The following BAHCC1 variants were observed in gnomAD, a reference collection of about 807,000 sequenced individuals.
BAHCC1 encodes the protein BAH and coiled-coil domain-containing protein 1.
BAHCC1 carries 43 observed loss-of-function variants against 88.2 expected under a neutral mutation model. That is an observed-to-expected ratio of 0.49 (90% CI 0.38 to 0.63). The LOEUF (loss-of-function observed/expected upper bound fraction) is 0.63. Ranked by LOEUF, BAHCC1 falls within the 20% of genes least tolerant of loss-of-function variation. The pLI, the probability that BAHCC1 is intolerant of heterozygous loss-of-function variation, is 0.00. For missense variants in BAHCC1, 3,023 were observed against 1,654.8 expected (o/e 1.83, Z -14.34); for synonymous variants, 1,510 against 745.5 (o/e 2.03, Z -16.71).
intron 10 of BAHCC1, among the ~76,000 whole-genome samples, chr17:81,446,034 C>CCCCAGCTTTGCTGAG (rs1279910472): frequency 6.6e-6 from 1 of 151,678 alleles, no homozygotes; most frequent in Admixed American, 6.6e-5. Flanking sequence ...ACCAGGCTGC[C>CCCCAGCTTTGCTGAG]ATTCAGGGTC....
intron 10 of BAHCC1, among the ~76,000 whole-genome samples, chr17:81,446,547 T>C (rs1321275008): frequency 1.0e-4 from 12 of 114,386 alleles, no homozygotes; most frequent in Non-Finnish European, 2.2e-4. Context: ...TTTTTTTTTT[T>C]TTTTTTTTTT....
chr17:81,461,067 G>A lies in BAHCC1; in HGVS notation c.6404G>A (p.Arg2135His), dbSNP rs553821391. The change falls in exon 26 of 28, where the codon CGC becomes CAC. Residue 2135 changes from arginine (R) to histidine (H), a missense_variant. By Grantham distance (29) the Arg-to-His change is conservative. Coordinates refer to ENST00000675386, the MANE Select transcript of BAHCC1 (RefSeq NM_001377448.1). ...GGCAGCAGCAAGAAGCTGCGGGCCC[G>A]CGAGGCCCTGTTCCCCGTGCACAGC... Reference protein sequence around the residue: ...LNGSSKKLRAREALFPVHSVA... With the variant: ...LNGSSKKLRAHEALFPVHSVA... 28 of 770,228 alleles carry A rather than the reference G, an allele frequency of 3.6e-5. No individual in the cohort carries two copies. Among genetic ancestry groups the A allele is most frequent in the Non-Finnish European group, 5.0e-5 (21 of 416,830 alleles). 47.7% of individuals were successfully genotyped at this position (770,228 alleles called of 1,614,324 possible).
At chr17:81,422,708 A>G (rs1479429072) in intron 2 of BAHCC1, 6 of 390,406 alleles carry the variant, frequency 1.5e-5, no homozygotes, top group Non-Finnish European at 3.0e-5. Context: ...GTGGTGTGGG[A>G]GAGCTCAAGG....
intron 2 of BAHCC1, among the ~76,000 whole-genome samples, chr17:81,408,982 G>A (rs970309649): frequency 6.6e-6 from 1 of 152,276 alleles, no homozygotes; most frequent in Admixed American, 6.5e-5. Context: ...GCGTGTGTGG[G>A]TGTGAAGAGC....
Position 81,456,345 on chromosome 17 carries a change from T to C in BAHCC1, c.4618T>C (p.Ser1540Pro), listed in dbSNP as rs1555657260. ...KSSCQGGLAP[S>P]VAHRVAQLKP... ...CAGCTGTCAGGGCGGGCTGGCGCCCTCCGTGGCCCACAGGGTGGCCCAGCT... is the reference window on the plus strand; with the variant it reads ...CAGCTGTCAGGGCGGGCTGGCGCCCCCCGTGGCCCACAGGGTGGCCCAGCT... Residue 1540 changes from serine (S) to proline (P), a missense_variant, in exon 16 of 28, where the codon TCC becomes CCC. Ser to Pro is a moderately conservative substitution (Grantham distance 74, BLOSUM62 -1). Coordinates refer to ENST00000675386, the MANE Select transcript of BAHCC1 (RefSeq NM_001377448.1). 2 of 723,752 alleles carry C rather than the reference T, an allele frequency of 2.8e-6. No individual in the cohort carries two copies. 44.8% of individuals were successfully genotyped at this position (723,752 alleles called of 1,614,324 possible).
In BAHCC1 at chr17:81,447,765, G is replaced by A. The variant is rs782766916; in HGVS notation, c.3893G>A (p.Ser1298Asn). The A allele has an allele frequency of 6.7e-6, 5 of 747,466 alleles. No individual in the cohort carries two copies. The highest frequency in any genetic ancestry group is 5.5e-5 in the Admixed American group (3 of 54,486). 46.3% of individuals were successfully genotyped at this position (747,466 alleles called of 1,614,324 possible). A position where few individuals can be genotyped will look rare whatever the true frequency, so the allele number is the denominator to read the frequency against. ...GPPSTVPLPH[S>N]SGIHGIALLS... ...CCCAGCACAGTCCCCCTGCCTCATA[G>A]CTCAGGGATTCATGGGATCGCTCTG... Residue 1298 changes from serine to asparagine, a missense_variant, in exon 11 of 28, where the codon AGC becomes AAC. Transcript: ENST00000675386.
chr17:81,407,363 C>T (rs993963818), intron 2 of BAHCC1: 5 of 519,960 alleles, frequency 9.6e-6, no homozygotes, highest in South Asian at 2.8e-5. Flanking sequence ...CTGCTGGCGT[C>T]TTCAAGGGAA....
In BAHCC1 at chr17:81,461,818, G is replaced by A. The variant is rs1333171358; in HGVS notation, c.7155G>A (p.Ala2385=). 5.6e-6 allele frequency: 4 copies of A among 717,460 alleles called. No homozygotes were observed. The highest frequency in any genetic ancestry group is 3.5e-5 in the African/African-American group (2 of 57,282). 44.4% of individuals were successfully genotyped at this position (717,460 alleles called of 1,614,324 possible). Residue 2385 remains alanine (A), a synonymous_variant, in exon 26 of 28, where the codon GCG becomes GCA. Transcript: ENST00000675386. ...GCTCCAAGGGCAGCGGCCCTCACGC[G>A]CATGCCCAGCGCTGCTTCCTGTCCA... The part of the protein sequence containing the change: ...ALRSKGSGPH[A]HAQRCFLSRA...
At chr17:81,453,594 C>CA (rs2064687791) in intron 14 of BAHCC1, among the ~76,000 whole-genome samples, 1 of 151,948 alleles carries the variant, frequency 6.6e-6, no homozygotes, top group South Asian at 2.1e-4. Flanking sequence ...TATGGCTGCC[C>CA]CCCCCCAGAG....
intron 2 of BAHCC1, among the ~76,000 whole-genome samples, chr17:81,413,618 G>A (rs1555648190): frequency 6.6e-6 from 1 of 152,250 alleles, no homozygotes. Flanking sequence ...TGCCTTGGTG[G>A]AGTGAGCAGA....
chr17:81,409,198 C>T (rs1163562158), intron 2 of BAHCC1, among the ~76,000 whole-genome samples: 1 of 152,234 alleles, frequency 6.6e-6, no homozygotes, highest in Non-Finnish European at 1.5e-5. Context: ...TGGCAGCATC[C>T]CCTGGCCTTC....
chr17:81,432,075 C>A (rs1431123757), intron 3 of BAHCC1, among the ~76,000 whole-genome samples: 1 of 152,204 alleles, frequency 6.6e-6, no homozygotes, highest in Non-Finnish European at 1.5e-5. Context: ...GCCTCAGTTT[C>A]TCTATCTGCC....
intron 4 of BAHCC1, among the ~76,000 whole-genome samples, chr17:81,441,420 T>C (rs1555652485): frequency 6.6e-6 from 1 of 152,180 alleles, no homozygotes. Flanking sequence ...CCCAGTACTT[T>C]GGGAGGCCAA....
In BAHCC1 at chr17:81,444,489, A is replaced by G. The variant is rs565561199; in HGVS notation, c.2433A>G (p.Pro811=). Residue 811 remains proline, a synonymous_variant, in exon 7 of 28, where the codon CCA becomes CCG. Transcript: ENST00000675386. ...AGAGCGGCCAGCTGGGCGGGGACCC[A>G]GCCCCCCACACCCACCCCCATCCCC... ...MMQSGQLGGD[P]APHTHPHPPW... is the part of the protein sequence containing the mutation. The G allele has an allele frequency of 2.8e-6, 2 of 707,314 alleles. No homozygotes were observed. The highest frequency in any genetic ancestry group is 2.7e-5 in the East Asian group (1 of 37,354). The allele number at this position is 707,314 out of a possible 1,614,324, so 43.8% of individuals were successfully genotyped here.
chr17:81,458,546 T>C (rs1555658134), intron 18 of BAHCC1, 75 bp from the exon 19 acceptor site: 5 of 422,498 alleles, frequency 1.2e-5, no homozygotes, highest in Non-Finnish European at 2.2e-5. Flanking sequence ...CCCCGCACGC[T>C]GGCCCCTGAG....
intron 3 of BAHCC1, among the ~76,000 whole-genome samples, chr17:81,431,241 G>A (rs926160108): frequency 2.6e-5 from 4 of 152,036 alleles, no homozygotes; most frequent in Non-Finnish European, 5.9e-5. Flanking sequence ...GCCCCTCACC[G>A]TGGCCTGCCC....
rs1013716719 is a variant in BAHCC1, at chr17:81,444,429, C to T, written c.2373C>T (p.Ser791=). Residue 791 remains serine (S), a synonymous_variant, in exon 7 of 28, where the codon AGC becomes AGT. Transcript: ENST00000675386. The stretch of plus-strand genomic sequence containing the variant: ...TCGCCCGGATCCACCCACCGAGCAG[C>T]TGCCCTGGGGACCTGGCCCCCCACC... The part of the protein sequence containing the change: ...VEFARIHPPS[S]CPGDLAPHLM... 1 of 748,650 alleles carries T rather than the reference C, an allele frequency of 1.3e-6. No homozygotes were observed. The highest frequency in any genetic ancestry group is 2.5e-6 in the Non-Finnish European group (1 of 403,816). 46.4% of individuals were successfully genotyped at this position (748,650 alleles called of 1,614,324 possible).
rs1555653952 is a variant in BAHCC1, at chr17:81,445,079, C to T, written c.2736C>T (p.His912=). The T allele has an allele frequency of 3.9e-6, 3 of 770,364 alleles. No individual in the cohort carries two copies. Among genetic ancestry groups the T allele is most frequent in the East Asian group, 2.4e-5 (1 of 40,874 alleles). 47.7% of individuals were successfully genotyped at this position (770,364 alleles called of 1,614,324 possible). ...PMYGGRGPAS[H]MQHPGQLPVY... ...ACGGGGGCCGGGGCCCCGCCTCTCACATGCAGCACCCGGGCCAGCTCCCTG... is the reference window on the plus strand; with the variant it reads ...ACGGGGGCCGGGGCCCCGCCTCTCATATGCAGCACCCGGGCCAGCTCCCTG... Residue 912 remains histidine, a synonymous_variant, in exon 9 of 28, where the codon CAC becomes CAT. Coordinates refer to ENST00000675386, the MANE Select transcript of BAHCC1 (RefSeq NM_001377448.1).
rs1024876609 is a variant in BAHCC1, at chr17:81,463,062, G to A, written c.7620+86G>A. 6.0e-5 allele frequency: 41 copies of A among 682,358 alleles called. No individual in the cohort carries two copies. In the East Asian group the frequency reaches 6.2e-4, roughly 10 times the overall value. The allele number at this position is 682,358 out of a possible 1,614,324, so 42.3% of individuals were successfully genotyped here. A position where few individuals can be genotyped will look rare whatever the true frequency, so the allele number is the denominator to read the frequency against. On this transcript the variant is annotated intron_variant, in intron 27 of 27. Transcript: ENST00000675386. ...AGCAGCCAGCACTGTGCCCCAACAC[G>A]GAGCACCTGGCCCCACCACACAGCC... is the stretch of plus-strand genomic sequence containing the variant.
Sources: gnomAD v4.1 joint callset for allele counts (sites outside exome capture counted in the v4.1 genomes callset) on GRCh38, gnomAD v4.1.1 for gene constraint, MANE v1.5 for transcripts, NCBI Gene and HGNC (gene_info 2026-07-23, HGNC 2026-07-21) for gene names.